Variants in TOM1L2 observed in about 807,000 individuals in gnomAD.
TOM1L2 encodes the protein target of myb1 like 2 membrane trafficking protein.
TOM1L2 carries 31 observed loss-of-function variants against 67.9 expected under a neutral mutation model. The ratio of observed to expected loss-of-function variants is 0.46; its 90% confidence interval spans 0.34 to 0.62. The LOEUF (loss-of-function observed/expected upper bound fraction) is 0.62. TOM1L2 is among the 20% of genes least tolerant of loss of function. TOM1L2 has a pLI of 0.01. For synonymous variants in TOM1L2, 256 were observed against 254.0 expected, an observed-to-expected ratio of 1.01 and a Z score of -0.07; for missense variants, 606 against 663.5, an observed-to-expected ratio of 0.91 and a Z score of 0.95.
At chr17:17,866,458 T>C in intron 9 of TOM1L2, 39 bp from the exon 10 acceptor site, 2 of 1,543,564 alleles carry the variant, frequency 1.3e-6, no homozygotes, top group Non-Finnish European at 1.8e-6. Flanking sequence ...CCCAGAACCC[T>C]GGAGTCAGGC....
chr17:17,960,734 T>C (rs8080823), intron 1 of TOM1L2, among the ~76,000 whole-genome samples: 84,237 of 152,000 alleles, frequency 0.55, 25,733 homozygotes, highest in East Asian at 0.94. Context: ...AAAAACAAAA[T>C]AGAGTGATAA....
At chr17:17,899,389 T>C (rs2038735917) in intron 2 of TOM1L2, among the ~76,000 whole-genome samples, 1 of 152,210 alleles carries the variant, frequency 6.6e-6, no homozygotes, top group Non-Finnish European at 1.5e-5. Flanking sequence ...CTGAGGTGGA[T>C]TCCCAGATAA....
chr17:17,923,514 T>C (rs896239421), intron 1 of TOM1L2, among the ~76,000 whole-genome samples: 2 of 151,392 alleles, frequency 1.3e-5, no homozygotes, highest in Non-Finnish European at 2.9e-5. Flanking sequence ...GGAGACCCTG[T>C]CTCTACAAAA....
chr17:17,964,204 A>G (rs1030044977), intron 1 of TOM1L2, among the ~76,000 whole-genome samples: 1 of 152,196 alleles, frequency 6.6e-6, no homozygotes, highest in East Asian at 1.9e-4. Context: ...TTTAACCTCA[A>G]CAAGCCGGGT....
chr17:17,904,584 T>G, intron 2 of TOM1L2, among the ~76,000 whole-genome samples: 1 of 152,090 alleles, frequency 6.6e-6, no homozygotes, highest in East Asian at 1.9e-4. Flanking sequence ...CCTGAAGGCT[T>G]GTTAGCAAGG....
intron 1 of TOM1L2, among the ~76,000 whole-genome samples, chr17:17,912,435 G>A (rs1457818353): frequency 4.0e-5 from 6 of 151,484 alleles, no homozygotes; most frequent in Non-Finnish European, 8.8e-5. Context: ...CAGACGGGGC[G>A]GTTGCCAGGC....
At chr17:17,957,173 G>GT (rs1209686850) in intron 1 of TOM1L2, among the ~76,000 whole-genome samples, 4 of 152,152 alleles carry the variant, frequency 2.6e-5, no homozygotes, top group East Asian at 1.9e-4. Context: ...TAGAAACAGG[G>GT]TCTTGCTATG....
intron 1 of TOM1L2, among the ~76,000 whole-genome samples, chr17:17,951,007 T>A (rs538000631): frequency 2.0e-5 from 3 of 152,126 alleles, no homozygotes; most frequent in Non-Finnish European, 4.4e-5. Flanking sequence ...AGGGGGAAGA[T>A]CCCTGGCAGG....
At chr17:17,929,085 C>A (rs1350996370) in intron 1 of TOM1L2, among the ~76,000 whole-genome samples, 1 of 152,176 alleles carries the variant, frequency 6.6e-6, no homozygotes, top group Non-Finnish European at 1.5e-5. Context: ...CGGGCCTTTC[C>A]TTGGCTACTT....
intron 1 of TOM1L2, among the ~76,000 whole-genome samples, chr17:17,964,188 G>T (rs556376499): frequency 6.6e-6 from 1 of 152,132 alleles, no homozygotes. Context: ...TTTAAAAGTC[G>T]CCTCTTTTAA....
intron 2 of TOM1L2, among the ~76,000 whole-genome samples, chr17:17,905,985 T>G (rs1357019421): frequency 6.6e-6 from 1 of 152,082 alleles, no homozygotes; most frequent in Admixed American, 6.5e-5. Context: ...ACACCCTCTG[T>G]CCCAGGACTT....
chr17:17,965,005 C>T (rs564617202), intron 1 of TOM1L2, among the ~76,000 whole-genome samples: 1 of 152,260 alleles, frequency 6.6e-6, no homozygotes, highest in South Asian at 2.1e-4. Context: ...GCTCCATCAA[C>T]CTGCCTTGGC....
At chr17:17,917,320 C>G (rs1468667985) in intron 1 of TOM1L2, among the ~76,000 whole-genome samples, 1 of 151,456 alleles carries the variant, frequency 6.6e-6, no homozygotes, top group Non-Finnish European at 1.5e-5. Flanking sequence ...GGCGACAGAG[C>G]AAGACCCCAT....
At chr17:17,916,296 A>G (rs527793286) in intron 1 of TOM1L2, among the ~76,000 whole-genome samples, 1 of 152,164 alleles carries the variant, frequency 6.6e-6, no homozygotes, top group Admixed American at 6.5e-5. Flanking sequence ...GATGGTCTCG[A>G]TCTCCTGACC....
intron 14 of TOM1L2, 34 bp from the exon 15 acceptor site, chr17:17,847,817 G>T: frequency 6.2e-7 from 1 of 1,613,328 alleles, no homozygotes; most frequent in South Asian, 1.1e-5. Flanking sequence ...GTCAGGGTTG[G>T]TGAGGGCAGG....
At chr17:17,885,730 C>T (rs2037961270) in intron 4 of TOM1L2, among the ~76,000 whole-genome samples, 1 of 151,962 alleles carries the variant, frequency 6.6e-6, no homozygotes, top group Non-Finnish European at 1.5e-5. Flanking sequence ...CAAGACCATC[C>T]TGGCTAACAC....
At chr17:17,944,280 G>A (rs1296435135) in intron 1 of TOM1L2, among the ~76,000 whole-genome samples, 2 of 152,198 alleles carry the variant, frequency 1.3e-5, no homozygotes, top group African/African-American at 4.8e-5. Context: ...CTGAGCAAAG[G>A]GATGCTGAGC....
intron 1 of TOM1L2, among the ~76,000 whole-genome samples, chr17:17,917,518 C>CA (rs1212805085): frequency 8.3e-6 from 1 of 120,426 alleles, no homozygotes; most frequent in Non-Finnish European, 1.6e-5. Flanking sequence ...AGTCTGGACT[C>CA]AAACTCCTGG....
At chr17:17,873,162 A>G (rs552632937) in intron 7 of TOM1L2, among the ~76,000 whole-genome samples, 8 of 152,296 alleles carry the variant, frequency 5.3e-5, no homozygotes, top group African/African-American at 1.9e-4. Flanking sequence ...TCATCCTTCA[A>G]GGCCTCAGGA....
Sources: gnomAD v4.1 joint callset for allele counts (sites outside exome capture counted in the v4.1 genomes callset) on GRCh38, gnomAD v4.1.1 for gene constraint, MANE v1.5 for transcripts, NCBI Gene and HGNC (gene_info 2026-07-23, HGNC 2026-07-21) for gene names.